Variants in ESYT3 observed in about 807,000 individuals in gnomAD.
ESYT3 encodes the protein extended synaptotagmin-3.
ESYT3 carries 101 observed loss-of-function variants against 111.5 expected under a neutral mutation model. The observed-to-expected ratio is 0.91, with a 90% CI of 0.77 to 1.07. ESYT3 has a LOEUF of 1.07. Ranked by LOEUF, ESYT3 falls within the 50% of genes least tolerant of loss-of-function variation. The probability of loss-of-function intolerance (pLI) is 0.00; values close to 1 mark genes in which losing one functional copy is unlikely to be tolerated. For synonymous variants in ESYT3, 416 were observed against 446.8 expected, an observed-to-expected ratio of 0.93 and a Z score of 0.87; for missense variants, 1,097 against 1,109.4, an observed-to-expected ratio of 0.99 and a Z score of 0.16.
At chr3:138,451,919 G>A in intron 1 of ESYT3, 129 bp from the exon 2 acceptor site, 1 of 1,017,414 alleles carries the variant, frequency 9.8e-7, no homozygotes, top group Non-Finnish European at 1.5e-6. Context: ...TGACCGACGT[G>A]GAGGCGGCGG....
Position 138,434,974 on chromosome 3 carries a change from T to C in ESYT3, c.176T>C (p.Ile59Thr). 6.4e-7 allele frequency: 1 copy of C among 1,556,970 alleles called. No individual in the cohort carries two copies. The highest frequency in any genetic ancestry group is 8.7e-7 in the Non-Finnish European group (1 of 1,149,560). The change falls in exon 1 of 23, where the codon ATA becomes ACA. Residue 59 changes from isoleucine (I) to threonine (T), a missense_variant. By Grantham distance (89) the Ile-to-Thr change is moderately conservative. Transcript: ENST00000389567. ...CTAGCTGGCTACCTGGGGCTCAGCA[T>C]AACCTGGTTGCTGCTCGGCGCCCTG... Reference protein sequence around the residue: ...VYLAGYLGLSITWLLLGALLW... With the variant: ...VYLAGYLGLSTTWLLLGALLW...
intron 1 of ESYT3, among the ~76,000 whole-genome samples, chr3:138,444,288 G>T (rs190517294): frequency 2.5e-4 from 38 of 152,328 alleles, no homozygotes; most frequent in African/African-American, 8.9e-4. Flanking sequence ...AGGGTGGAGG[G>T]TTGTGAACTA....
At chr3:138,454,976 A>G (rs2032180658) in intron 2 of ESYT3, among the ~76,000 whole-genome samples, 1 of 152,224 alleles carries the variant, frequency 6.6e-6, no homozygotes, top group African/African-American at 2.4e-5. Context: ...TGCTGCCTGC[A>G]TGACAGTGGG....
intron 9 of ESYT3, 119 bp from the exon 10 acceptor site, chr3:138,465,220 C>T (rs1481613668): frequency 2.1e-5 from 14 of 667,270 alleles, no homozygotes; most frequent in Non-Finnish European, 3.2e-5. Flanking sequence ...GGGTGGGGTT[C>T]TTGAGGCACT....
chr3:138,446,543 C>CA (rs1243829420), intron 1 of ESYT3, among the ~76,000 whole-genome samples: 2 of 152,080 alleles, frequency 1.3e-5, no homozygotes, highest in African/African-American at 2.4e-5. Context: ...TCATATTAGA[C>CA]AAAATAGAAT....
chr3:138,451,191 C>G (rs1342294207), intron 1 of ESYT3, among the ~76,000 whole-genome samples: 1 of 152,186 alleles, frequency 6.6e-6, no homozygotes, highest in African/African-American at 2.4e-5. Flanking sequence ...TTCCCCCTTC[C>G]CACACTGGGG....
chr3:138,448,634 G>A (rs2031720666), intron 1 of ESYT3, among the ~76,000 whole-genome samples: 1 of 152,094 alleles, frequency 6.6e-6, no homozygotes, highest in African/African-American at 2.4e-5. Context: ...GAGAATGTGG[G>A]GTGGGAAAAG....
chr3:138,449,344 C>T (rs1027592098), intron 1 of ESYT3, among the ~76,000 whole-genome samples: 5 of 151,992 alleles, frequency 3.3e-5, no homozygotes, highest in African/African-American at 1.2e-4. Context: ...CCTCGGCCTC[C>T]CAAAGCGCTG....
At chr3:138,480,368 C>T (rs2033666238), downstream of ESYT3, 2 of 150,978 alleles carry the variant, frequency 1.3e-5, no homozygotes, top group South Asian at 2.1e-4. Context: ...CAGATGCTCC[C>T]TATTGCCACT....
At chr3:138,463,248 C>T (rs2032747539) in intron 8 of ESYT3, among the ~76,000 whole-genome samples, 1 of 152,114 alleles carries the variant, frequency 6.6e-6, no homozygotes, top group Non-Finnish European at 1.5e-5. Flanking sequence ...GGGCACACCA[C>T]CAAGCCTGGC....
chr3:138,460,769 G>A (rs1191279588), intron 7 of ESYT3, 103 bp downstream of exon 7: 2 of 1,236,742 alleles, frequency 1.6e-6, no homozygotes, highest in Non-Finnish European at 2.4e-6. Flanking sequence ...TTCCCTCCTG[G>A]TGCTCTCTGC....
intron 1 of ESYT3, among the ~76,000 whole-genome samples, chr3:138,449,154 G>A (rs534948469): frequency 1.3e-4 from 19 of 141,690 alleles, no homozygotes; most frequent in African/African-American, 4.4e-4. Context: ...GTGTGACCTC[G>A]ACTCACTGCA....
chr3:138,477,025 T>TTC lies in ESYT3; in HGVS notation c.*171_*172insTC. ...TGTGGAATTTAACTCCATGACTGAA[T>TTC]AGCATAAGGAAGAGGTTATTTAAAA... On this transcript the variant is annotated 3_prime_UTR_variant, in exon 23 of 23. Transcript: ENST00000389567. The TTC allele has an allele frequency of 4.1e-6, 2 of 493,748 alleles. No homozygotes were observed. The highest frequency in any genetic ancestry group is 7.0e-6 in the Non-Finnish European group (2 of 284,812). 30.6% of individuals were successfully genotyped at this position (493,748 alleles called of 1,614,324 possible).
At chr3:138,437,067 G>A (rs751202301) in intron 1 of ESYT3, among the ~76,000 whole-genome samples, 1 of 151,932 alleles carries the variant, frequency 6.6e-6, no homozygotes, top group Non-Finnish European at 1.5e-5. Context: ...ACTCAAGAAG[G>A]CACCTCCTAG....
chr3:138,464,370 A>C lies in ESYT3; in HGVS notation c.941A>C (p.Glu314Ala). The change falls in exon 9 of 23, where the codon GAG (glutamate) becomes GCG (alanine). Residue 314 changes from glutamate (E) to alanine (A), a missense_variant. By Grantham distance (107) the Glu-to-Ala change is moderately radical. Coordinates refer to ENST00000389567, the MANE Select transcript of ESYT3 (RefSeq NM_031913.5). ...GGGGTGATCAGAGTGCACTTGCTGG[A>C]GGCAGAGCAGCTGGCCCAGAAGGAC... ...PCGVIRVHLLEAEQLAQKDNF... is the reference protein window; with the variant it reads ...PCGVIRVHLLAAEQLAQKDNF... The C allele has an allele frequency of 1.2e-6, 2 of 1,614,112 alleles. No homozygotes were observed. Among genetic ancestry groups the C allele is most frequent in the Non-Finnish European group, 1.7e-6 (2 of 1,179,978 alleles).
chr3:138,472,775 C>G lies in ESYT3; in HGVS notation c.2153C>G (p.Pro718Arg). Residue 718 changes from proline (P) to arginine (R), a missense_variant, in exon 18 of 23, where the codon CCC becomes CGC. Physicochemically the swap from Pro to Arg is moderately radical, Grantham distance 103. Transcript: ENST00000389567. ...CCTGCCTCCCCATTCGCATGGCCGC[C>G]CAAGAGGCTGGCTCCCAGCATGTCC... The part of the protein sequence containing the change: ...KCPASPFAWP[P>R]KRLAPSMSSL... 1 of 1,614,222 alleles carries G rather than the reference C, an allele frequency of 6.2e-7. No homozygotes were observed. The highest frequency in any genetic ancestry group is 8.5e-7 in the Non-Finnish European group (1 of 1,180,044).
chr3:138,464,590 G>A, intron 9 of ESYT3, 75 bp downstream of exon 9: 1 of 1,489,756 alleles, frequency 6.7e-7, no homozygotes, highest in East Asian at 2.3e-5. Context: ...GGCAACACTA[G>A]GCAGGGAGTG....
chr3:138,460,633 GC>G lies in ESYT3; in HGVS notation c.763del (p.Leu255Ter). ...AAGCACCTACAGATCAACTGGACTGGCCTGACCAACCTGCTGGATGCGCCGG... is the reference window on the plus strand; with the variant it reads ...AAGCACCTACAGATCAACTGGACTGGCTGACCAACCTGCTGGATGCGCCGG... ...QKPHLQINWT[G>X]LTNLLDAPGI... is the part of the protein sequence containing the mutation. On this transcript the variant is annotated frameshift_variant, in exon 7 of 23. Transcript: ENST00000389567. LOFTEE classifies it high-confidence loss of function. The G allele has an allele frequency of 8.7e-6, 14 of 1,614,096 alleles. No individual in the cohort carries two copies. Among genetic ancestry groups the G allele is most frequent in the Non-Finnish European group, 1.2e-5 (14 of 1,179,968 alleles).
Position 138,476,317 on chromosome 3 carries a change from G to A in ESYT3, c.2563G>A (p.Glu855Lys). Residue 855 changes from glutamate (E) to lysine (K), a missense_variant, in exon 21 of 23, where the codon GAG (glutamate) becomes AAG (lysine). Transcript: ENST00000389567. ...GCCACTTGGCTCACACAGAAGAAAG[G>A]AGTTAGGAAAAGTAAGTACAAGAGA... ...SRPLGSHRRK[E>K]LGKVLIDLSK... 6.2e-7 allele frequency: 1 copy of A among 1,612,892 alleles called. No homozygotes were observed. The highest frequency in any genetic ancestry group is 8.5e-7 in the Non-Finnish European group (1 of 1,178,918).
Sources: gnomAD v4.1 joint callset for allele counts (sites outside exome capture counted in the v4.1 genomes callset) on GRCh38, gnomAD v4.1.1 for gene constraint, MANE v1.5 for transcripts, NCBI Gene and HGNC (gene_info 2026-07-23, HGNC 2026-07-21) for gene names.